Variants in NEDD4 observed in about 807,000 individuals in gnomAD.
NEDD4 encodes the protein E3 ubiquitin-protein ligase NEDD4.
A neutral mutation model predicts 144.9 loss-of-function variants in NEDD4; 99 were observed. The observed-to-expected ratio is 0.68, with a 90% confidence interval of 0.58 to 0.81. NEDD4 has a LOEUF of 0.81. Among genes scored for constraint, NEDD4 ranks in the 30% least tolerant of loss-of-function variants. The pLI is 0.00. For synonymous variants in NEDD4, 318 were observed against 350.6 expected (o/e 0.91, Z 1.04); for missense variants, 985 against 1,065.9 (o/e 0.92, Z 1.06).
At chr15:55,968,252 C>A (rs66530465) in intron 1 of NEDD4, among the ~76,000 whole-genome samples, 3 of 151,666 alleles carry the variant, frequency 2.0e-5, no homozygotes, top group East Asian at 3.9e-4. Flanking sequence ...TATACTAAAA[C>A]ATAAAACCAA....
chr15:55,915,889 C>T, intron 5 of NEDD4: 5 of 1,613,968 alleles, frequency 3.1e-6, no homozygotes, highest in Non-Finnish European at 4.2e-6. Flanking sequence ...AATCCTTTAG[C>T]ACTAGTGCCA....
chr15:55,970,219 G>A (rs1313814714), intron 1 of NEDD4, among the ~76,000 whole-genome samples: 3 of 152,284 alleles, frequency 2.0e-5, no homozygotes, highest in Admixed American at 2.0e-4. Context: ...ACTTTGTCTT[G>A]TAACCTGGGT....
At chr15:55,973,224 C>T (rs7172268) in intron 1 of NEDD4, among the ~76,000 whole-genome samples, 22,637 of 152,216 alleles carry the variant, frequency 0.15, 1,832 homozygotes, top group East Asian at 0.32. Context: ...GGATAAACCA[C>T]ATGTTAGCCA....
chr15:55,856,058 C>T, intron 12 of NEDD4, 73 bp downstream of exon 12: 1 of 1,345,332 alleles, frequency 7.4e-7, no homozygotes, highest in Non-Finnish European at 1.1e-6. Context: ...CGTTCACACT[C>T]AATCTTCCAA....
At chr15:55,940,340 T>A (rs879764607) in intron 4 of NEDD4, among the ~76,000 whole-genome samples, 1 of 152,196 alleles carries the variant, frequency 6.6e-6, no homozygotes, top group African/African-American at 2.4e-5. Flanking sequence ...GCTGTATGCA[T>A]ATGTTTAAAC....
In NEDD4 at chr15:55,833,117, A is replaced by T. The variant is rs2033034759; in HGVS notation, c.2431-13T>A. 1.3e-6 allele frequency: 2 copies of T among 1,554,626 alleles called. No homozygotes were observed. The highest frequency in any genetic ancestry group is 1.4e-5 in the African/African-American group (1 of 73,912). ...TCATTAAAACAGCCTGAATAAGATA[A>T]AAACATCATTTAGGGAACAGCACTG... is the stretch of plus-strand genomic sequence containing the variant. On this transcript the variant is annotated splice_polypyrimidine_tract_variant and intron_variant, in intron 26 of 28. Transcript: ENST00000435532.
intron 11 of NEDD4, among the ~76,000 whole-genome samples, chr15:55,857,301 G>A (rs762171127): frequency 2.6e-5 from 4 of 152,124 alleles, no homozygotes; most frequent in Non-Finnish European, 5.9e-5. Flanking sequence ...TATATTAGTG[G>A]TAAGATAGAA....
At chr15:55,940,787 G>C (rs1473879152) in intron 4 of NEDD4, among the ~76,000 whole-genome samples, 1 of 151,974 alleles carries the variant, frequency 6.6e-6, no homozygotes, top group Non-Finnish European at 1.5e-5. Flanking sequence ...CTCTCGAAGT[G>C]CTGGTATTAT....
intron 4 of NEDD4, among the ~76,000 whole-genome samples, chr15:55,936,624 T>G (rs1373578925): frequency 6.6e-6 from 1 of 152,138 alleles, no homozygotes; most frequent in Admixed American, 6.6e-5. Context: ...ATGCTAAAAA[T>G]ATACACAGAG....
intron 26 of NEDD4, 71 bp from the exon 27 acceptor site, chr15:55,833,175 A>C: frequency 1.1e-6 from 1 of 948,036 alleles, no homozygotes; most frequent in Non-Finnish European, 1.6e-6. Context: ...CTGAAACATA[A>C]GCTATCGGAA....
intron 4 of NEDD4, among the ~76,000 whole-genome samples, chr15:55,938,228 G>A (rs374195130): frequency 3.3e-4 from 50 of 152,220 alleles, no homozygotes; most frequent in African/African-American, 9.2e-4. Flanking sequence ...GCATGGTGGC[G>A]TGTGCCTGTA....
chr15:55,883,048 C>T (rs763143227), intron 5 of NEDD4, among the ~76,000 whole-genome samples: 5 of 152,094 alleles, frequency 3.3e-5, no homozygotes, highest in African/African-American at 4.8e-5. Context: ...GTTTAGGTAC[C>T]AGCTTGGCCA....
chr15:55,886,757 CAAA>C (rs35360356), intron 5 of NEDD4, among the ~76,000 whole-genome samples: 14 of 115,308 alleles, frequency 1.2e-4, no homozygotes, highest in African/African-American at 2.9e-4. Context: ...GACTCCGTCT[CAAA>C]AAAAAAAAAA....
chr15:55,829,889 T>C lies in NEDD4; in HGVS notation c.*8A>G. ...GCAGTAAAAACACTACAGATTGTTATTTGTAATCTAATCAACTCCATCAAA... is the reference window on the plus strand; with the variant it reads ...GCAGTAAAAACACTACAGATTGTTACTTGTAATCTAATCAACTCCATCAAA... On this transcript the variant is annotated 3_prime_UTR_variant, in exon 29 of 29. Transcript: ENST00000435532. 1 of 1,601,954 alleles carries C rather than the reference T, an allele frequency of 6.2e-7. No individual in the cohort carries two copies. The highest frequency in any genetic ancestry group is 2.2e-5 in the East Asian group (1 of 44,812).
intron 5 of NEDD4, among the ~76,000 whole-genome samples, chr15:55,895,327 G>GA (rs757328601): frequency 7.9e-4 from 121 of 152,214 alleles, no homozygotes; most frequent in Non-Finnish European, 1.6e-3. Flanking sequence ...GTTTAAATGA[G>GA]AAATGAAATC....
At chr15:55,910,234 A>T (rs2036228546) in intron 5 of NEDD4, among the ~76,000 whole-genome samples, 1 of 152,206 alleles carries the variant, frequency 6.6e-6, no homozygotes, top group Admixed American at 6.5e-5. Context: ...TCGAGCAAGC[A>T]ACCTATGCTG....
chr15:55,850,041 T>TC (rs2033919410), intron 14 of NEDD4, among the ~76,000 whole-genome samples: 1 of 151,658 alleles, frequency 6.6e-6, no homozygotes, highest in South Asian at 2.1e-4. Context: ...CCTCGTGATC[T>TC]CCCCCCTCGG....
chr15:55,967,170 G>T (rs1447501814), intron 1 of NEDD4, among the ~76,000 whole-genome samples: 3 of 152,184 alleles, frequency 2.0e-5, no homozygotes, highest in African/African-American at 7.2e-5. Context: ...ACAGGTGTGA[G>T]ACACTGCACC....
intron 1 of NEDD4, among the ~76,000 whole-genome samples, chr15:55,974,450 C>T (rs2142343930): frequency 6.6e-6 from 1 of 152,046 alleles, no homozygotes; most frequent in East Asian, 1.9e-4. Flanking sequence ...CAAAACCAGA[C>T]AAAGATCCAT....
Sources: gnomAD v4.1 joint callset for allele counts (sites outside exome capture counted in the v4.1 genomes callset) on GRCh38, gnomAD v4.1.1 for gene constraint, MANE v1.5 for transcripts, NCBI Gene and HGNC (gene_info 2026-07-23, HGNC 2026-07-21) for gene names.